The following RIMS1 variants were observed in gnomAD, a reference collection of about 807,000 sequenced individuals.
RIMS1 encodes the protein regulating synaptic membrane exocytosis 1.
In RIMS1, 83 loss-of-function variants were observed where a neutral mutation model predicts 214.1. That is an observed-to-expected ratio of 0.39 (90% CI 0.32 to 0.47). The LOEUF (loss-of-function observed/expected upper bound fraction) is 0.47. Among genes scored for constraint, RIMS1 ranks in the 20% least tolerant of loss-of-function variants. The pLI, the probability that RIMS1 is intolerant of heterozygous loss-of-function variation, is 0.99. For synonymous variants in RIMS1, 793 were observed against 786.8 expected, an observed-to-expected ratio of 1.01 and a Z score of -0.13; for missense variants, 2,050 against 2,161.8, an observed-to-expected ratio of 0.95 and a Z score of 1.03.
intron 1 of RIMS1, among the ~76,000 whole-genome samples, chr6:71,959,853 G>A (rs1207090205): frequency 6.6e-6 from 1 of 151,870 alleles, no homozygotes; most frequent in African/African-American, 2.4e-5. Flanking sequence ...AAGAAACTAT[G>A]GTATTTCACA....
intron 22 of RIMS1, among the ~76,000 whole-genome samples, chr6:72,269,276 A>G (rs2081951508): frequency 6.6e-6 from 1 of 152,138 alleles, no homozygotes; most frequent in African/African-American, 2.4e-5. Flanking sequence ...TCTTCCATTA[A>G]GTACCTCTAC....
Position 72,158,993 on chromosome 6 carries a change from T to G in RIMS1, c.472-20582T>G, listed in dbSNP as rs1290958593. On this transcript the variant is annotated intron_variant, in intron 4 of 33. Coordinates refer to ENST00000521978, the MANE Select transcript of RIMS1 (RefSeq NM_014989.7). ...TCGCCACACTGACTTCCACAATGGTTGAACTAGTTTACAGTCCCACCAACA... is the reference window on the plus strand; with the variant it reads ...TCGCCACACTGACTTCCACAATGGTGGAACTAGTTTACAGTCCCACCAACA... 2.1e-5 allele frequency among the ~76,000 whole-genome samples: 3 copies of G among 140,140 alleles called. 1 individual carries two copies. Among genetic ancestry groups the G allele is most frequent in the Non-Finnish European group, 4.9e-5 (3 of 61,664 alleles). The allele number at this position is 140,140 out of a possible 152,430, so 91.9% of individuals were successfully genotyped here. A position where few individuals can be genotyped will look rare whatever the true frequency, so the allele number is the denominator to read the frequency against.
At chr6:72,372,313 A>G (rs2098244455) in intron 29 of RIMS1, among the ~76,000 whole-genome samples, 1 of 152,218 alleles carries the variant, frequency 6.6e-6, no homozygotes, top group Admixed American at 6.5e-5. Flanking sequence ...TTTAACCTTT[A>G]CAAAATTACC....
intron 29 of RIMS1, among the ~76,000 whole-genome samples, chr6:72,369,800 A>C (rs1327572050): frequency 6.6e-6 from 1 of 152,228 alleles, no homozygotes; most frequent in Admixed American, 6.5e-5. Flanking sequence ...GTAAACACTA[A>C]GATGCTGGTA....
At chr6:72,272,490 G>A (rs535769422) in intron 22 of RIMS1, among the ~76,000 whole-genome samples, 1 of 152,244 alleles carries the variant, frequency 6.6e-6, no homozygotes, top group African/African-American at 2.4e-5. Flanking sequence ...GACTCTAAGT[G>A]TACAAATATA....
intron 22 of RIMS1, 42 bp downstream of exon 22, chr6:72,266,091 A>G: frequency 7.2e-7 from 1 of 1,396,186 alleles, no homozygotes; most frequent in Non-Finnish European, 9.9e-7. Flanking sequence ...CATTTGTACT[A>G]GTGATTTTTT....
rs1280539623 is a variant in RIMS1 at position 72,345,033 on chromosome 6, A to AT, written c.4366+11203dup. Among the ~76,000 whole-genome samples the AT allele has an allele frequency of 2.6e-5, 4 of 151,764 alleles. No homozygotes were observed. The East Asian group carries it at 5.8e-4, about 22-fold the overall frequency. ...CACTAAAATAATTACACATGTTGAT[A>AT]TTTTTAACTATACTAAGATGATTGT... is the stretch of plus-strand genomic sequence containing the variant. On this transcript the variant is annotated intron_variant, in intron 29 of 33. Coordinates refer to ENST00000521978, the MANE Select transcript of RIMS1 (RefSeq NM_014989.7).
chr6:72,194,288 C>T (rs1287176802), intron 6 of RIMS1, among the ~76,000 whole-genome samples: 1 of 148,618 alleles, frequency 6.7e-6, no homozygotes, highest in African/African-American at 2.4e-5. Flanking sequence ...GAAGATTATC[C>T]TCATGGAATA....
intron 1 of RIMS1, among the ~76,000 whole-genome samples, chr6:71,964,651 G>A (rs1266404280): frequency 6.6e-6 from 1 of 152,076 alleles, no homozygotes; most frequent in African/African-American, 2.4e-5. Context: ...GATCAGCCAC[G>A]GTGGAGATGG....
At position 71,919,066 on chromosome 6, in the gene RIMS1, T is replaced by C. The variant is rs890442803; in HGVS notation, c.164+31879T>C. 7.9e-5 allele frequency among the ~76,000 whole-genome samples: 12 copies of C among 152,252 alleles called. No individual in the cohort carries two copies. The East Asian group carries it at 2.3e-3, about 29-fold the overall frequency. ...CGTAGTTAGATGTGGGTTTCAGGAATATAAATTATGCATCCCAGTGTCCAT... is the reference window on the plus strand; with the variant it reads ...CGTAGTTAGATGTGGGTTTCAGGAACATAAATTATGCATCCCAGTGTCCAT... On this transcript the variant is annotated intron_variant, in intron 1 of 33. Coordinates refer to ENST00000521978, the MANE Select transcript of RIMS1 (RefSeq NM_014989.7).
At chr6:72,167,107 T>C (rs1032999953) in intron 4 of RIMS1, among the ~76,000 whole-genome samples, 1 of 151,992 alleles carries the variant, frequency 6.6e-6, no homozygotes. Context: ...GAAATCTTTT[T>C]TATGTCTAGT....
chr6:72,148,480 AC>A, intron 4 of RIMS1: 1 of 380,306 alleles, frequency 2.6e-6, no homozygotes, highest in South Asian at 1.9e-5. Context: ...TGTGACCTTC[AC>A]CACGTAGCAG....
At chr6:72,285,493 AG>A (rs1399781445) in intron 24 of RIMS1, among the ~76,000 whole-genome samples, 1 of 152,222 alleles carries the variant, frequency 6.6e-6, no homozygotes, top group East Asian at 1.9e-4. Flanking sequence ...AGACATATCA[AG>A]GGATGTGGTA....
intron 18 of RIMS1, among the ~76,000 whole-genome samples, chr6:72,260,200 T>G (rs1455993099): frequency 1.3e-5 from 2 of 152,150 alleles, no homozygotes; most frequent in Non-Finnish European, 2.9e-5. Flanking sequence ...GATAAAGTAT[T>G]AATTGTAAAA....
intron 6 of RIMS1, among the ~76,000 whole-genome samples, chr6:72,206,436 T>C (rs1214817305): frequency 6.6e-6 from 1 of 152,252 alleles, no homozygotes; most frequent in African/African-American, 2.4e-5. Context: ...GTTTCAATAT[T>C]CACATAAATA....
At position 72,260,779 on chromosome 6, in the gene RIMS1, G is replaced by A. The variant is rs114108296; in HGVS notation, c.3116+12G>A. On this transcript the variant is annotated intron_variant, in intron 19 of 33. Transcript: ENST00000521978. ...CTACATACTACCAGGTAAATACAGGGATTTGGTAATGGTGACTGTGTGTGA... is the reference window on the plus strand; with the variant it reads ...CTACATACTACCAGGTAAATACAGGAATTTGGTAATGGTGACTGTGTGTGA... 61 of 1,611,510 alleles carry A rather than the reference G, an allele frequency of 3.8e-5. No homozygotes were observed. Among genetic ancestry groups the A allele is most frequent in the Non-Finnish European group, 5.1e-5 (60 of 1,178,516 alleles).
intron 4 of RIMS1, among the ~76,000 whole-genome samples, chr6:72,165,023 C>T (rs544905822): frequency 1.3e-5 from 2 of 152,248 alleles, no homozygotes; most frequent in South Asian, 4.1e-4. Context: ...TTTTGGCAAA[C>T]CATGGCCAGA....
chr6:72,115,731 T>C (rs1003869492), intron 4 of RIMS1, among the ~76,000 whole-genome samples: 1 of 151,952 alleles, frequency 6.6e-6, no homozygotes, highest in African/African-American at 2.4e-5. Flanking sequence ...TATTATTTAA[T>C]GTATGGTATA....
At chr6:72,053,419 G>A (rs1367482000) in intron 2 of RIMS1, among the ~76,000 whole-genome samples, 1 of 152,124 alleles carries the variant, frequency 6.6e-6, no homozygotes. Flanking sequence ...TACTCTTTAC[G>A]AGTGACCCAA....
Sources: allele counts gnomAD v4.1 joint callset (sites outside exome capture counted in the v4.1 genomes callset), GRCh38; gene constraint gnomAD v4.1.1; transcripts MANE v1.5; gene names NCBI Gene and HGNC (gene_info 2026-07-23, HGNC 2026-07-21).